MTNR1A: variants seen among roughly 807,000 people sequenced by gnomAD.
MTNR1A encodes the protein melatonin receptor type 1A.
In MTNR1A, 7 loss-of-function variants were observed where a neutral mutation model predicts 5.5. That is an observed-to-expected ratio of 1.28 (90% confidence interval 0.73 to 2.40). MTNR1A has a LOEUF of 2.40. Among genes scored for constraint, MTNR1A ranks in the 30% most tolerant of loss-of-function variants. The pLI is 0.00. For synonymous variants in MTNR1A, 196 were observed against 202.7 expected, an observed-to-expected ratio of 0.97 and a Z score of 0.28; for missense variants, 441 against 464.4, an observed-to-expected ratio of 0.95 and a Z score of 0.46.
chr4:186,535,939 T>G (rs534770893), intron 1 of MTNR1A, among the ~76,000 whole-genome samples: 21 of 152,360 alleles, frequency 1.4e-4, no homozygotes, highest in African/African-American at 4.1e-4. Flanking sequence ...AAGCACTTTA[T>G]ACTGCTTTTT....
At position 186,555,446 on chromosome 4, in the gene MTNR1A, G is replaced by A. The variant is rs1217799106; in HGVS notation, c.-81C>T. The A allele has an allele frequency of 9.3e-6, 11 of 1,187,898 alleles. No individual in the cohort carries two copies. The South Asian group carries it at 2.1e-4, about 23-fold the overall frequency. 73.6% of individuals were successfully genotyped at this position (1,187,898 alleles called of 1,614,324 possible). On this transcript the variant is annotated 5_prime_UTR_variant, in exon 1 of 2. Transcript: ENST00000307161. The surrounding 1 kb of genome is among the most constrained non-coding windows in gnomAD (Gnocchi z 4.1). ...ACCACTTGTTAAGGCTCCGCCCGGC[G>A]CTCCCCGCGCCCACGCCCCATCCCG...
rs889188720 is a variant in MTNR1A at position 186,536,531 on chromosome 4, C to A, written c.185-1974G>T. 3.3e-5 allele frequency among the ~76,000 whole-genome samples: 5 copies of A among 152,134 alleles called. No homozygotes were observed. In the South Asian group the frequency reaches 6.2e-4, roughly 19 times the overall value. On this transcript the variant is annotated intron_variant, in intron 1 of 1. Coordinates refer to ENST00000307161, the MANE Select transcript of MTNR1A (RefSeq NM_005958.4). ...ACCTGTAGGCCAGGCTTCCCTGCGT[C>A]TCCAGATGGTGGCCCTCGTGAGTAC... is the stretch of plus-strand genomic sequence containing the variant.
At chr4:186,551,764 C>T (rs1056213185) in intron 1 of MTNR1A, among the ~76,000 whole-genome samples, 1 of 152,000 alleles carries the variant, frequency 6.6e-6, no homozygotes, top group African/African-American at 2.4e-5. Context: ...ACATTCACTC[C>T]GTACTCTATG....
chr4:186,540,544 T>G (rs947678750), intron 1 of MTNR1A, among the ~76,000 whole-genome samples: 3 of 152,364 alleles, frequency 2.0e-5, no homozygotes, highest in South Asian at 2.1e-4. Context: ...TACTTCCTAC[T>G]TGGCCTTGGT....
intron 1 of MTNR1A, among the ~76,000 whole-genome samples, chr4:186,549,360 C>G (rs1737221288): frequency 6.6e-6 from 1 of 152,182 alleles, no homozygotes. Context: ...CTCCAGCAGG[C>G]GTTTCTTCGA....
rs1235787573 is a variant in MTNR1A, at chr4:186,533,894, A to AC, written c.847_848insG (p.Met283SerfsTer43). The AC allele has an allele frequency of 2.5e-6, 4 of 1,614,052 alleles. No individual in the cohort carries two copies. Among genetic ancestry groups the AC allele is most frequent in the Non-Finnish European group, 3.4e-6 (4 of 1,180,018 alleles). The stretch of plus-strand genomic sequence containing the variant: ...ATTGAGGCAGCTGTTGAAATACGCC[A>AC]TGTAGTAACTGGCCACAAACAGCCA... On this transcript the variant is annotated frameshift_variant, in exon 2 of 2. Transcript: ENST00000307161. LOFTEE classifies it high-confidence loss of function.
rs73024797 is a variant in MTNR1A, at chr4:186,553,345, T to C, written c.184+1837A>G. On this transcript the variant is annotated intron_variant, in intron 1 of 1. Coordinates refer to ENST00000307161, the MANE Select transcript of MTNR1A (RefSeq NM_005958.4). ...TAGAAAAATATGGAACTTCTAAAGC[T>C]GTGCGGATTAAAGGTCACTAAGGGT... 5.1e-3 allele frequency among the ~76,000 whole-genome samples: 779 copies of C among 152,320 alleles called. 5 individuals are homozygous for C. Among genetic ancestry groups the C allele is most frequent in the African/African-American group, 0.017 (722 of 41,582 alleles).
intron 1 of MTNR1A, among the ~76,000 whole-genome samples, chr4:186,542,596 C>T (rs1198365184): frequency 1.3e-5 from 2 of 152,106 alleles, no homozygotes; most frequent in Admixed American, 6.5e-5. Flanking sequence ...GGCACCTGCT[C>T]TAAATCAGTG....
chr4:186,534,175 G>C lies in MTNR1A; in HGVS notation c.567C>G (p.Ile189Met), dbSNP rs8192549. 6.2e-7 allele frequency: 1 copy of C among 1,613,444 alleles called. No individual in the cohort carries two copies. The highest frequency in any genetic ancestry group is 1.3e-5 in the African/African-American group (1 of 75,032). Residue 189 changes from isoleucine to methionine, a missense_variant, in exon 2 of 2, where the codon ATC becomes ATG. Physicochemically the swap from Ile to Met is conservative, Grantham distance 10 (BLOSUM62 1). Coordinates refer to ENST00000307161, the MANE Select transcript of MTNR1A (RefSeq NM_005958.4). The stretch of plus-strand genomic sequence containing the variant: ...CGAGGAAGTGGAAAACCACCACGGC[G>C]ATGGTGTAGGCGGAGCTGACGGACT... ...FAQSVSSAYT[I>M]AVVVFHFLVP... is the part of the protein sequence containing the mutation.
At chr4:186,539,276 G>T (rs1044966168) in intron 1 of MTNR1A, among the ~76,000 whole-genome samples, 1 of 147,112 alleles carries the variant, frequency 6.8e-6, no homozygotes, top group African/African-American at 2.5e-5. Context: ...CAATGTCATT[G>T]CATCACCCTC....
intron 1 of MTNR1A, among the ~76,000 whole-genome samples, chr4:186,539,415 T>C (rs1371078899): frequency 6.6e-6 from 1 of 152,208 alleles, no homozygotes; most frequent in Non-Finnish European, 1.5e-5. Flanking sequence ...CCCTGAAGGC[T>C]GCTCAGCCAC....
chr4:186,555,220 A>G lies in MTNR1A; in HGVS notation c.146T>C (p.Ile49Thr), dbSNP rs746167557. 6.3e-7 allele frequency: 1 copy of G among 1,592,758 alleles called. No homozygotes were observed. Among genetic ancestry groups the G allele is most frequent in the Admixed American group, 1.7e-5 (1 of 57,310 alleles). The change falls in exon 1 of 2, where the codon ATC (isoleucine) becomes ACC (threonine). Residue 49 changes from isoleucine (I) to threonine (T), a missense_variant. Coordinates refer to ENST00000307161, the MANE Select transcript of MTNR1A (RefSeq NM_005958.4). This position sits in a 1 kb window ranked among gnomAD's most constrained non-coding sequence, Gnocchi z 4.1. ...CTTCTTGTTCCGATACACCGACAGG[A>G]TGACCAGGAGGTTGCCCAGGATGTC... ...VVDILGNLLV[I>T]LSVYRNKKLR...
At position 186,555,102 on chromosome 4, in the gene MTNR1A, A is replaced by C; in HGVS notation, c.184+80T>G. 8 of 1,422,388 alleles carry C rather than the reference A, an allele frequency of 5.6e-6. No individual in the cohort carries two copies. The highest frequency in any genetic ancestry group is 7.8e-6 in the Non-Finnish European group (8 of 1,031,600). 88.1% of individuals were successfully genotyped at this position (1,422,388 alleles called of 1,614,324 possible). On this transcript the variant is annotated intron_variant, in intron 1 of 1. Transcript: ENST00000307161. The surrounding 1 kb of genome is among the most constrained non-coding windows in gnomAD (Gnocchi z 4.1). ...CCGCAGTGTTTAGGAAAAAGAACCA[A>C]GTGCTTGGGGAAGGCTGGCTGCCCG...
At chr4:186,551,943 C>T (rs1285397925) in intron 1 of MTNR1A, among the ~76,000 whole-genome samples, 1 of 152,134 alleles carries the variant, frequency 6.6e-6, no homozygotes, top group Non-Finnish European at 1.5e-5. Context: ...ACTGTGCACA[C>T]AGATTAAATA....
chr4:186,548,810 G>GATAT (rs71595106), intron 1 of MTNR1A, among the ~76,000 whole-genome samples: 4,167 of 54,134 alleles, frequency 0.077, 287 homozygotes, highest in Non-Finnish European at 0.094. Context: ...AATCTATAAA[G>GATAT]ATATATATAT....
chr4:186,550,070 G>A (rs1357071384), intron 1 of MTNR1A, among the ~76,000 whole-genome samples: 1 of 152,204 alleles, frequency 6.6e-6, no homozygotes. Context: ...AGAAAGACAA[G>A]TGTTTGAGTA....
In MTNR1A at chr4:186,534,080, A is replaced by T. The variant is rs576228243; in HGVS notation, c.662T>A (p.Val221Glu). Reference protein sequence around the residue: ...WILVLQVRQRVKPDRKPKLKP... With the variant: ...WILVLQVRQREKPDRKPKLKP... ...CAGTTTGGGTTTGCGGTCAGGTTTC[A>T]CCCTCTGTCTGACCTGGAGAACCAG... is the stretch of plus-strand genomic sequence containing the variant. Residue 221 changes from valine (V) to glutamate (E), a missense_variant, in exon 2 of 2, where the codon GTG (valine) becomes GAG (glutamate). Coordinates refer to ENST00000307161, the MANE Select transcript of MTNR1A (RefSeq NM_005958.4). 6.2e-7 allele frequency: 1 copy of T among 1,614,106 alleles called. No homozygotes were observed. The highest frequency in any genetic ancestry group is 1.3e-5 in the African/African-American group (1 of 75,036).
chr4:186,544,982 G>A (rs62350392), intron 1 of MTNR1A, among the ~76,000 whole-genome samples: 10,122 of 152,024 alleles, frequency 0.067, 351 homozygotes, highest in East Asian at 0.14. Context: ...CTGGATTTAC[G>A]CCCAGAGGCC....
chr4:186,536,215 G>A (rs1410448418), intron 1 of MTNR1A, among the ~76,000 whole-genome samples: 3 of 151,788 alleles, frequency 2.0e-5, no homozygotes, highest in African/African-American at 7.3e-5. Flanking sequence ...GCGTGGTGGC[G>A]GGCACCTGTA....
Sources: allele counts gnomAD v4.1 joint callset (sites outside exome capture counted in the v4.1 genomes callset), GRCh38; gene constraint gnomAD v4.1.1; non-coding constraint Gnocchi (gnomAD v3.1); transcripts MANE v1.5; gene names NCBI Gene and HGNC (gene_info 2026-07-23, HGNC 2026-07-21).